SEC13: variants seen among roughly 807,000 people sequenced by gnomAD.
The protein encoded by SEC13 is protein SEC13 homolog.
Under a neutral mutation model 49.2 loss-of-function variants are expected in SEC13, and 25 were observed. That is an observed-to-expected ratio of 0.51 (90% CI 0.37 to 0.71). The LOEUF is 0.71. SEC13 is among the 30% of genes least tolerant of loss of function. The pLI is 0.00. For synonymous variants in SEC13, 148 were observed against 163.9 expected (o/e 0.90, Z 0.74); for missense variants, 383 against 417.6 (o/e 0.92, Z 0.72).
intron 1 of SEC13, chr3:10,319,042 G>A (rs934270933): frequency 1.2e-5 from 13 of 1,110,114 alleles, no homozygotes; most frequent in East Asian, 5.0e-5. Context: ...AACAAAAGCT[G>A]TTATTTTTTT....
Position 10,301,057 on chromosome 3 carries a change from C to T in SEC13, c.*204G>A. ...ATCACTTGTAGTTTCTTCCTCGTAA[C>T]ATGAGTGCTTTCAGCTGGACAGTAG... On this transcript the variant is annotated 3_prime_UTR_variant, in exon 9 of 9. Coordinates refer to ENST00000350697, the MANE Select transcript of SEC13 (RefSeq NM_183352.3). 2 of 1,606,958 alleles carry T rather than the reference C, an allele frequency of 1.2e-6. No homozygotes were observed. Among genetic ancestry groups the T allele is most frequent in the Non-Finnish European group, 1.7e-6 (2 of 1,176,742 alleles).
intron 7 of SEC13, 61 bp from the exon 8 acceptor site, chr3:10,304,233 T>A: frequency 6.3e-7 from 1 of 1,579,522 alleles, no homozygotes; most frequent in Non-Finnish European, 8.7e-7. Flanking sequence ...TGTGATGTGA[T>A]GTCCTCCCAG....
chr3:10,305,812 T>G (rs911283871), intron 5 of SEC13, 120 bp from the exon 6 acceptor site: 22 of 1,064,776 alleles, frequency 2.1e-5, no homozygotes, highest in Non-Finnish European at 3.0e-5. Context: ...AAGGCTGACA[T>G]GAAGCACTCA....
rs1170827769 is a variant in SEC13 at position 10,305,688 on chromosome 3, C to T, written c.455G>A (p.Gly152Asp). The change falls in exon 6 of 9, where the codon GGC becomes GAC. Residue 152 changes from glycine to aspartate, a missense_variant. By Grantham distance (94) the Gly-to-Asp change is moderately conservative. Coordinates refer to ENST00000350697, the MANE Select transcript of SEC13 (RefSeq NM_183352.3). ...VKKINNAHTI[G>D]CNAVSWAPAV... ...AGGGGCCCAGCTGACGGCATTGCAG[C>T]CAATCTGTAAAGATGGGACACATGG... The T allele has an allele frequency of 6.2e-7, 1 of 1,614,182 alleles. No individual in the cohort carries two copies. Among genetic ancestry groups the T allele is most frequent in the Non-Finnish European group, 8.5e-7 (1 of 1,180,012 alleles).
In SEC13 at chr3:10,305,601, C is replaced by T; in HGVS notation, c.542G>A (p.Arg181Lys). The T allele has an allele frequency of 1.2e-6, 2 of 1,614,166 alleles. No individual in the cohort carries two copies. Among genetic ancestry groups the T allele is most frequent in the Non-Finnish European group, 1.7e-6 (2 of 1,180,022 alleles). Residue 181 changes from arginine to lysine, a missense_variant, in exon 6 of 9, where the codon AGG becomes AAG. Arg to Lys is a conservative substitution (Grantham distance 26). Transcript: ENST00000350697. ...PSGQKPNYIK[R>K]FASGGCDNLI... ...GTTGTCACAGCCACCTGATGCAAAC[C>T]TCTTGATGTAATTGGGTTTCTGCCC...
At chr3:10,320,558 C>T in intron 1 of SEC13, 1 of 986,596 alleles carries the variant, frequency 1.0e-6, no homozygotes, top group Non-Finnish European at 1.2e-6. Flanking sequence ...CTGGGAGCTG[C>T]AGTAGGCGGC....
At chr3:10,318,269 C>G (rs1160025776) in intron 1 of SEC13, among the ~76,000 whole-genome samples, 175 bp from the exon 2 acceptor site, 1 of 152,058 alleles carries the variant, frequency 6.6e-6, no homozygotes, top group Non-Finnish European at 1.5e-5. Context: ...TATACAGACA[C>G]AAATAAGAGG....
At chr3:10,311,571 C>A in intron 5 of SEC13, 1 of 902,922 alleles carries the variant, frequency 1.1e-6, no homozygotes, top group Non-Finnish European at 1.3e-6. Context: ...TAAAGAATGA[C>A]CTTGTTTATA....
intron 8 of SEC13, 37 bp downstream of exon 8, chr3:10,303,989 G>GGCT (rs746422925): frequency 3.7e-6 from 6 of 1,611,472 alleles, no homozygotes; most frequent in Non-Finnish European, 5.1e-6. Context: ...AAGACCAACA[G>GGCT]GCTGTGTCCA....
At chr3:10,315,292 A>T in intron 3 of SEC13, 29 bp downstream of exon 3, 1 of 1,518,422 alleles carries the variant, frequency 6.6e-7, no homozygotes, top group Non-Finnish European at 9.1e-7. Context: ...CCATTCCTGG[A>T]GCCCTTCCCT....
In SEC13 at chr3:10,315,358, G is replaced by T. The variant is rs757416423; in HGVS notation, c.127C>A (p.Arg43Ser). Residue 43 changes from arginine to serine, a missense_variant, in exon 3 of 9, where the codon CGC (arginine) becomes AGC (serine). Arg to Ser is a moderately radical substitution (Grantham distance 110). Coordinates refer to ENST00000350697, the MANE Select transcript of SEC13 (RefSeq NM_183352.3). ...GCGATAAGGATCTGCCCTCCATTGC[G>T]CACATCAAAGATTTTGACGGACCTG... ...SDRSVKIFDVRNGGQILIADL... is the reference protein window; with the variant it reads ...SDRSVKIFDVSNGGQILIADL... 1 of 1,613,836 alleles carries T rather than the reference G, an allele frequency of 6.2e-7. No homozygotes were observed. The highest frequency in any genetic ancestry group is 1.1e-5 in the South Asian group (1 of 91,066).
chr3:10,307,179 C>CAAAGT (rs1268301938), intron 5 of SEC13, among the ~76,000 whole-genome samples: 5 of 151,286 alleles, frequency 3.3e-5, no homozygotes, highest in African/African-American at 1.2e-4. Context: ...CTCAGACTCC[C>CAAAGT]AAAGTACTGG....
chr3:10,319,824 A>G (rs1342711086), intron 1 of SEC13, among the ~76,000 whole-genome samples: 35 of 16,024 alleles, frequency 2.2e-3, no homozygotes, highest in Non-Finnish European at 2.5e-3. Context: ...GGGAGGAAAG[A>G]GGGAGGGGGA....
At chr3:10,312,214 C>T (rs141221134) in intron 4 of SEC13, 116 bp from the exon 5 acceptor site, 23 of 1,441,432 alleles carry the variant, frequency 1.6e-5, no homozygotes, top group African/African-American at 1.1e-4. Context: ...TAGGAGTCAC[C>T]GGGGGAAGCT....
intron 7 of SEC13, among the ~76,000 whole-genome samples, chr3:10,304,380 G>A (rs1379225831): frequency 1.3e-5 from 2 of 152,070 alleles, no homozygotes; most frequent in African/African-American, 4.8e-5. Flanking sequence ...TTTCTCATCC[G>A]GGTTTCGGAG....
intron 3 of SEC13, chr3:10,313,598 G>C (rs1701422382): frequency 3.7e-6 from 1 of 269,820 alleles, no homozygotes; most frequent in African/African-American, 2.2e-5. Context: ...CCTCCCTCTG[G>C]CTGGGACAAC....
chr3:10,319,783 A>AACTTCTTAGAGTACTTCTTCCCAG (rs2059733297), intron 1 of SEC13, among the ~76,000 whole-genome samples: 1 of 38,736 alleles, frequency 2.6e-5, no homozygotes, highest in Non-Finnish European at 4.3e-5. Flanking sequence ...AGAGAGAGAG[A>AACTTCTTAGAGTACTTCTTCCCAG]GAGAGAGAGA....
chr3:10,319,761 TGAGAGAGAGA>T (rs34434283), intron 1 of SEC13, among the ~76,000 whole-genome samples: 40 of 45,468 alleles, frequency 8.8e-4, no homozygotes, highest in East Asian at 2.5e-3. Flanking sequence ...CACTTCTGAA[TGAGAGAGAGA>T]GAGAGAGAGA....
At chr3:10,317,858 C>A (rs530820577) in intron 2 of SEC13, among the ~76,000 whole-genome samples, 192 bp downstream of exon 2, 1 of 152,302 alleles carries the variant, frequency 6.6e-6, no homozygotes, top group South Asian at 2.1e-4. Context: ...CTGCCACAGT[C>A]CTGACAACTC....
Sources: gnomAD v4.1 joint callset for allele counts (sites outside exome capture counted in the v4.1 genomes callset) on GRCh38, gnomAD v4.1.1 for gene constraint, MANE v1.5 for transcripts, NCBI Gene and HGNC (gene_info 2026-07-23, HGNC 2026-07-21) for gene names.